Variants in TAF5 observed in about 807,000 individuals in gnomAD.
TAF5 encodes TATA-box binding protein associated factor 5, also known as transcription initiation factor TFIID subunit 5.
Under a neutral mutation model 80.9 loss-of-function variants are expected in TAF5, and 20 were observed. The observed-to-expected ratio is 0.25, with a 90% CI of 0.17 to 0.36. The LOEUF (loss-of-function observed/expected upper bound fraction) is 0.36. Ranked by LOEUF, TAF5 falls within the 10% of genes least tolerant of loss-of-function variation. The pLI, the probability that TAF5 is intolerant of heterozygous loss-of-function variation, is 1.00. For missense variants in TAF5, 863 were observed against 1,029.4 expected (o/e 0.84, Z 2.21); for synonymous variants, 388 against 406.4 (o/e 0.95, Z 0.55).
intron 9 of TAF5, 42 bp from the exon 10 acceptor site, chr10:103,387,479 T>C: frequency 6.4e-7 from 1 of 1,570,012 alleles, no homozygotes; most frequent in South Asian, 1.2e-5. Context: ...TTGTCTTATT[T>C]TCCTAGACAT....
At position 103,373,380 on chromosome 10, in the gene TAF5, C is replaced by G; in HGVS notation, c.582C>G (p.Asp194Glu). The G allele has an allele frequency of 6.2e-7, 1 of 1,613,832 alleles. No homozygotes were observed. Among genetic ancestry groups the G allele is most frequent in the Non-Finnish European group, 8.5e-7 (1 of 1,179,954 alleles). The change falls in exon 2 of 11, where the codon GAC (aspartate) becomes GAG (glutamate). Residue 194 changes from aspartate to glutamate, a missense_variant. Coordinates refer to ENST00000369839, the MANE Select transcript of TAF5 (RefSeq NM_006951.5). ...PGKVGSVAVE[D>E]QPDVSAVLSA... ...TAGTTGGAAGTGTTGCTGTGGAAGACCAGCCAGATGTCAGTGCCGTGTTGT... is the reference window on the plus strand; with the variant it reads ...TAGTTGGAAGTGTTGCTGTGGAAGAGCAGCCAGATGTCAGTGCCGTGTTGT...
intron 6 of TAF5, among the ~76,000 whole-genome samples, chr10:103,383,035 C>G (rs2093386681): frequency 6.6e-6 from 1 of 152,168 alleles, no homozygotes; most frequent in Admixed American, 6.6e-5. Context: ...TGTGTGCACT[C>G]TAGCAAATTA....
In TAF5 at chr10:103,378,739, C is replaced by A. The variant is rs550197199; in HGVS notation, c.1113+189C>A. Among the ~76,000 whole-genome samples, 6 of 152,184 alleles carry A rather than the reference C, an allele frequency of 3.9e-5. No individual in the cohort carries two copies. The East Asian group carries it at 1.2e-3, about 29-fold the overall frequency. On this transcript the variant is annotated intron_variant, in intron 3 of 10. Transcript: ENST00000369839. The surrounding 1 kb of genome is among the most constrained non-coding windows in gnomAD (Gnocchi z 4.1). ...GTGGCGTGATCTCAGCTCACTGCAACCTCCACCTCCTGGGTTCAAGTGATT... is the reference window on the plus strand; with the variant it reads ...GTGGCGTGATCTCAGCTCACTGCAAACTCCACCTCCTGGGTTCAAGTGATT...
At chr10:103,384,226 T>C (rs1031542092) in intron 7 of TAF5, among the ~76,000 whole-genome samples, 1 of 152,260 alleles carries the variant, frequency 6.6e-6, no homozygotes, top group East Asian at 1.9e-4. Flanking sequence ...ATGATTACAA[T>C]GTCATCCTAT....
intron 2 of TAF5, among the ~76,000 whole-genome samples, chr10:103,377,476 C>A (rs2093372552): frequency 6.6e-6 from 1 of 152,174 alleles, no homozygotes; most frequent in South Asian, 2.1e-4. Flanking sequence ...GCATTGATTG[C>A]TGTTTTTAGT....
chr10:103,385,474 C>T lies in TAF5; in HGVS notation c.1813C>T (p.His605Tyr). 6.2e-7 allele frequency: 1 copy of T among 1,613,948 alleles called. No individual in the cohort carries two copies. The highest frequency in any genetic ancestry group is 1.1e-5 in the South Asian group (1 of 91,026). ...TGGATATTATTTTGTGTCAGGGGGCCATGACCGAGTAGCTCGGTAAGAACA... is the reference window on the plus strand; with the variant it reads ...TGGATATTATTTTGTGTCAGGGGGCTATGACCGAGTAGCTCGGTAAGAACA... ...PYGYYFVSGGHDRVARLWATD... is the reference protein window; with the variant it reads ...PYGYYFVSGGYDRVARLWATD... The change falls in exon 8 of 11, where the codon CAT becomes TAT. Residue 605 changes from histidine to tyrosine, a missense_variant. This residue lies in a region of TAF5 where 368 missense variants were observed against 461.7 expected (regional missense o/e 0.80). Transcript: ENST00000369839.
rs565612294 is a variant in TAF5 at position 103,374,856 on chromosome 10, C to T, written c.797+1261C>T. Among the ~76,000 whole-genome samples the T allele has an allele frequency of 7.2e-5, 11 of 152,216 alleles. No homozygotes were observed. In the South Asian group the frequency reaches 1.0e-3, roughly 14 times the overall value. On this transcript the variant is annotated intron_variant, in intron 2 of 10. Coordinates refer to ENST00000369839, the MANE Select transcript of TAF5 (RefSeq NM_006951.5). The surrounding 1 kb of genome is among the most constrained non-coding windows in gnomAD (Gnocchi z 4.3). ...AATGTGTAGAGGTGGCCCGGCGCTG[C>T]GGCTCACGCCTTTAATCCCAGCACT... is the stretch of plus-strand genomic sequence containing the variant.
At chr10:103,381,946 G>A (rs888483829) in intron 6 of TAF5, 105 bp downstream of exon 6, 6 of 1,477,416 alleles carry the variant, frequency 4.1e-6, no homozygotes, top group Non-Finnish European at 5.5e-6. Flanking sequence ...AAATTCACTT[G>A]ATTTTACTTT....
Position 103,378,477 on chromosome 10 carries a change from G to T in TAF5, c.1040G>T (p.Arg347Leu). 6.2e-7 allele frequency: 1 copy of T among 1,614,140 alleles called. No homozygotes were observed. Among genetic ancestry groups the T allele is most frequent in the South Asian group, 1.1e-5 (1 of 91,080 alleles). Reference sequence around the variant, plus strand: ...ATTGACATCTTTGATGGGATGCCGCGTAGTAAGCAACAGATAGATGCGATG... The same window carrying T: ...ATTGACATCTTTGATGGGATGCCGCTTAGTAAGCAACAGATAGATGCGATG... The part of the protein sequence containing the change: ...LYIDIFDGMP[R>L]SKQQIDAMVG... The change falls in exon 3 of 11, where the codon CGT becomes CTT. Residue 347 changes from arginine to leucine, a missense_variant. This residue lies in a region of TAF5 where 128 missense variants were observed against 232.2 expected (regional missense o/e 0.55). Coordinates refer to ENST00000369839, the MANE Select transcript of TAF5 (RefSeq NM_006951.5). The surrounding 1 kb of genome is among the most constrained non-coding windows in gnomAD (Gnocchi z 4.1).
chr10:103,367,998 G>A lies in TAF5; in HGVS notation c.9G>A (p.Ala3=), dbSNP rs1163770083. 8.9e-6 allele frequency: 13 copies of A among 1,460,670 alleles called. No homozygotes were observed. Among genetic ancestry groups the A allele is most frequent in the Non-Finnish European group, 1.1e-5 (12 of 1,113,478 alleles). The allele number at this position is 1,460,670 out of a possible 1,614,324, so 90.5% of individuals were successfully genotyped here. Residue 3 remains alanine (A), a synonymous_variant, in exon 1 of 11, where the codon GCG becomes GCA. Transcript: ENST00000369839. MA[A]LAEEQTEVAV... is the part of the protein sequence containing the mutation. ...GGTGGCTCAGCCGCAAGATGGCGGC[G>A]CTGGCGGAGGAGCAGACGGAGGTGG...
chr10:103,368,404 G>T lies in TAF5; in HGVS notation c.415G>T (p.Ala139Ser). 1 of 1,566,988 alleles carries T rather than the reference G, an allele frequency of 6.4e-7. No homozygotes were observed. Residue 139 changes from alanine to serine, a missense_variant, in exon 1 of 11, where the codon GCC (alanine) becomes TCC (serine). This residue lies in a region of TAF5 where 367 missense variants were observed against 335.5 expected (regional missense o/e 1.09). Transcript: ENST00000369839. ...CGGAGCCCCGGGAGAGGTGGACAGC[G>T]CCGGCGCTGAGGTGACCAGCGCGCT... ...GSGAPGEVDS[A>S]GAEVTSALLS...
intron 8 of TAF5, among the ~76,000 whole-genome samples, chr10:103,386,849 A>C (rs898459807): frequency 6.6e-6 from 1 of 151,726 alleles, no homozygotes; most frequent in African/African-American, 2.4e-5. Context: ...ATTTTTAGTA[A>C]AGACGGTGTT....
chr10:103,383,128 T>C, intron 6 of TAF5, 110 bp from the exon 7 acceptor site: 1 of 979,502 alleles, frequency 1.0e-6, no homozygotes, highest in Non-Finnish European at 1.4e-6. Flanking sequence ...GCGGTTGGTA[T>C]ATAGGAGGAA....
rs1157959465 is a variant in TAF5, at chr10:103,388,804, T to C, written c.*581T>C. 2.0e-5 allele frequency: 3 copies of C among 153,238 alleles called. No homozygotes were observed. Among genetic ancestry groups the C allele is most frequent in the Admixed American group, 6.5e-5 (1 of 15,330 alleles). 9.5% of individuals were successfully genotyped at this position (153,238 alleles called of 1,614,324 possible). A position where few individuals can be genotyped will look rare whatever the true frequency, so the allele number is the denominator to read the frequency against. On this transcript the variant is annotated 3_prime_UTR_variant, in exon 11 of 11. Transcript: ENST00000369839. ...CTGAATTTATATACCTGTTGAGTTT[T>C]GAGTGCACCCAAACACTCGATAAAC...
chr10:103,386,015 T>TA (rs1051471797), intron 8 of TAF5, among the ~76,000 whole-genome samples: 3 of 151,754 alleles, frequency 2.0e-5, no homozygotes, highest in African/African-American at 7.3e-5. Context: ...TCCTGGTTTT[T>TA]AAAAAATAGT....
chr10:103,388,429 G>T lies in TAF5; in HGVS notation c.*206G>T, dbSNP rs1283689620. 3 of 491,700 alleles carry T rather than the reference G, an allele frequency of 6.1e-6. No individual in the cohort carries two copies. Among genetic ancestry groups the T allele is most frequent in the African/African-American group, 3.9e-5 (2 of 51,852 alleles). The allele number at this position is 491,700 out of a possible 1,614,324, so 30.5% of individuals were successfully genotyped here. ...CTAATTTCCGTTAGTTGAATAAGAG[G>T]TATTATGATCATGGAGGGGACATTT... is the stretch of plus-strand genomic sequence containing the variant. On this transcript the variant is annotated 3_prime_UTR_variant, in exon 11 of 11. Transcript: ENST00000369839.
At chr10:103,387,842 A>C in intron 10 of TAF5, 144 bp downstream of exon 10, 1 of 1,109,302 alleles carries the variant, frequency 9.0e-7, no homozygotes, top group South Asian at 1.5e-5. Context: ...ATCACTTCTC[A>C]GGTTAAAGTA....
chr10:103,383,846 G>A (rs2093389001), intron 7 of TAF5, among the ~76,000 whole-genome samples: 1 of 152,066 alleles, frequency 6.6e-6, no homozygotes, highest in South Asian at 2.1e-4. Context: ...CCAAAGTGCT[G>A]GGATTACAGG....
At position 103,388,142 on chromosome 10, in the gene TAF5, G is replaced by T; in HGVS notation, c.2322G>T (p.Met774Ile). 6.2e-7 allele frequency: 1 copy of T among 1,613,944 alleles called. No individual in the cohort carries two copies. The highest frequency in any genetic ancestry group is 1.1e-5 in the South Asian group (1 of 91,002). The change falls in exon 11 of 11, where the codon ATG (methionine) becomes ATT (isoleucine). Residue 774 changes from methionine to isoleucine, a missense_variant. Coordinates refer to ENST00000369839, the MANE Select transcript of TAF5 (RefSeq NM_006951.5). ...AGGAGTTATTGTTGGGAACATATAT[G>T]ACCAAATCAACACCAGTTGTACACC... is the stretch of plus-strand genomic sequence containing the variant. ...NSQELLLGTY[M>I]TKSTPVVHLH...
Sources: allele counts gnomAD v4.1 joint callset (sites outside exome capture counted in the v4.1 genomes callset), GRCh38; gene constraint gnomAD v4.1.1; regional missense constraint gnomAD v4.1.1; non-coding constraint Gnocchi (gnomAD v3.1); transcripts MANE v1.5; gene names NCBI Gene and HGNC (gene_info 2026-07-23, HGNC 2026-07-21).